Variants in DNAH6 observed in about 807,000 individuals in gnomAD.
DNAH6 encodes axonemal beta dynein heavy chain 6.
In DNAH6, 340 loss-of-function variants were observed where a neutral mutation model predicts 491.4. The observed-to-expected ratio is 0.69, with a 90% CI of 0.63 to 0.76. The LOEUF (loss-of-function observed/expected upper bound fraction) is 0.76. DNAH6 is among the 30% of genes least tolerant of loss of function. The probability of loss-of-function intolerance (pLI) is 0.00; values close to 1 mark genes in which losing one functional copy is unlikely to be tolerated. For missense variants in DNAH6, 4,443 were observed against 4,972.2 expected (o/e 0.89, Z 3.20); for synonymous variants, 1,603 against 1,686.1 (o/e 0.95, Z 1.21).
At chr2:84,730,602 C>T (rs953126707) in intron 61 of DNAH6, among the ~76,000 whole-genome samples, 3 of 152,066 alleles carry the variant, frequency 2.0e-5, no homozygotes, top group Middle Eastern at 3.4e-3. Context: ...AGAAAGTTTA[C>T]GAATTTGTGT....
chr2:84,766,034 G>A (rs1348158018), intron 64 of DNAH6, among the ~76,000 whole-genome samples: 1 of 152,018 alleles, frequency 6.6e-6, no homozygotes, highest in Non-Finnish European at 1.5e-5. Flanking sequence ...TTGTGAAACT[G>A]TACACAACTA....
chr2:84,669,185 A>T, intron 37 of DNAH6, 104 bp from the exon 38 acceptor site: 1 of 832,924 alleles, frequency 1.2e-6, no homozygotes, highest in Non-Finnish European at 1.9e-6. Context: ...ATCCAAATCC[A>T]GTTAGGTTTT....
chr2:84,798,953 A>G (rs1317044518), intron 70 of DNAH6, among the ~76,000 whole-genome samples: 1 of 151,704 alleles, frequency 6.6e-6, no homozygotes, highest in Non-Finnish European at 1.5e-5. Flanking sequence ...TTTGTATGCC[A>G]GCAAGGGAGC....
At chr2:84,565,947 G>A (rs1224233583) in intron 11 of DNAH6, among the ~76,000 whole-genome samples, 2 of 151,822 alleles carry the variant, frequency 1.3e-5, no homozygotes, top group Non-Finnish European at 2.9e-5. Flanking sequence ...TTTCATGGTA[G>A]GTCCTTTTTC....
At chr2:84,744,634 A>T (rs530216285) in intron 62 of DNAH6, among the ~76,000 whole-genome samples, 5 of 151,942 alleles carry the variant, frequency 3.3e-5, no homozygotes, top group African/African-American at 1.2e-4. Context: ...TTATTATTTG[A>T]CATATTTTTA....
At chr2:84,609,800 A>T (rs1467344139) in intron 21 of DNAH6, among the ~76,000 whole-genome samples, 2 of 152,136 alleles carry the variant, frequency 1.3e-5, no homozygotes, top group African/African-American at 4.8e-5. Context: ...AAATGGCATG[A>T]ATTAACTTTC....
Position 84,705,642 on chromosome 2 carries a change from G to A in DNAH6, c.8622G>A (p.Val2874=). The change falls in exon 52 of 77, where the codon GTG becomes GTA. Residue 2874 remains valine, a synonymous_variant. Transcript: ENST00000389394. ...TTGTGCCTGAAAAAGTGGAGAAAGT[G>A]TCCAAAGCATGTAAATCTATGTGCA... ...PDFVPEKVEK[V]SKACKSMCMW... 4 of 1,551,590 alleles carry A rather than the reference G, an allele frequency of 2.6e-6. No individual in the cohort carries two copies. Among genetic ancestry groups the A allele is most frequent in the Non-Finnish European group, 3.5e-6 (4 of 1,146,982 alleles).
intron 23 of DNAH6, 89 bp downstream of exon 23, chr2:84,617,071 G>A (rs1686926774): frequency 7.3e-6 from 5 of 683,146 alleles, no homozygotes; most frequent in Non-Finnish European, 7.2e-6. Context: ...AAGCATGAAG[G>A]AACTAGAGAG....
chr2:84,621,752 T>G (rs1268470060), intron 26 of DNAH6, among the ~76,000 whole-genome samples: 8 of 152,190 alleles, frequency 5.3e-5, no homozygotes, highest in Admixed American at 3.9e-4. Flanking sequence ...TTGTGTAGTA[T>G]TTATGTGAAT....
intron 64 of DNAH6, among the ~76,000 whole-genome samples, chr2:84,765,250 A>G (rs1674969484): frequency 6.6e-6 from 1 of 152,118 alleles, no homozygotes; most frequent in African/African-American, 2.4e-5. Context: ...AGGTTAGGTA[A>G]TGAGAGAGAA....
chr2:84,673,693 G>A (rs1692957572), intron 40 of DNAH6, among the ~76,000 whole-genome samples: 1 of 152,252 alleles, frequency 6.6e-6, no homozygotes, highest in South Asian at 2.1e-4. Context: ...GAAGCATCCA[G>A]CATGGGAGAA....
chr2:84,619,387 C>T (rs545203435), intron 23 of DNAH6, among the ~76,000 whole-genome samples: 1 of 152,306 alleles, frequency 6.6e-6, no homozygotes, highest in South Asian at 2.1e-4. Flanking sequence ...CCAGGTAAGA[C>T]AGATATGTGA....
At chr2:84,749,233 A>G (rs979155994) in intron 63 of DNAH6, among the ~76,000 whole-genome samples, 1 of 152,228 alleles carries the variant, frequency 6.6e-6, no homozygotes, top group Admixed American at 6.5e-5. Context: ...GACCTTAAAT[A>G]CAGATGATTA....
chr2:84,758,674 C>T (rs1254172941), intron 63 of DNAH6, among the ~76,000 whole-genome samples: 1 of 152,080 alleles, frequency 6.6e-6, no homozygotes, highest in Non-Finnish European at 1.5e-5. Context: ...ATCACATAAA[C>T]AGATTTAAGG....
intron 33 of DNAH6, among the ~76,000 whole-genome samples, chr2:84,642,659 A>G (rs1421128287): frequency 1.3e-5 from 2 of 151,890 alleles, no homozygotes; most frequent in African/African-American, 2.4e-5. Context: ...TTTGCAATAT[A>G]CATTTACAAC....
chr2:84,517,708 G>A (rs145517897), intron 1 of DNAH6, 111 bp from the exon 2 acceptor site: 8,141 of 769,208 alleles, frequency 0.011, 66 homozygotes, highest in Non-Finnish European at 0.013. Context: ...TTATTTGAGG[G>A]AAGTGAGCGA....
At chr2:84,591,624 G>A (rs2104132980) in intron 16 of DNAH6, among the ~76,000 whole-genome samples, 1 of 152,070 alleles carries the variant, frequency 6.6e-6, no homozygotes, top group East Asian at 1.9e-4. Flanking sequence ...AAATTTATAG[G>A]GAACCACAGA....
intron 2 of DNAH6, among the ~76,000 whole-genome samples, chr2:84,518,310 T>C (rs900722071): frequency 6.6e-6 from 1 of 152,202 alleles, no homozygotes; most frequent in African/African-American, 2.4e-5. Flanking sequence ...TTATGTACAA[T>C]ACAGATACTT....
intron 15 of DNAH6, among the ~76,000 whole-genome samples, chr2:84,586,883 A>T (rs13404797): frequency 3.3e-5 from 5 of 152,114 alleles, no homozygotes. Context: ...ATATCTATGT[A>T]TACATAGATC....
Sources: allele counts gnomAD v4.1 joint callset (sites outside exome capture counted in the v4.1 genomes callset), GRCh38; gene constraint gnomAD v4.1.1; transcripts MANE v1.5; gene names NCBI Gene and HGNC (gene_info 2026-07-23, HGNC 2026-07-21).